Variants in PRDM5 observed in about 807,000 individuals in gnomAD.
PRDM5 encodes the protein PR domain zinc finger protein 5.
In PRDM5, 56 loss-of-function variants were observed where a neutral mutation model predicts 81.2. The observed-to-expected ratio is 0.69, with a 90% CI of 0.56 to 0.86. PRDM5 has a LOEUF of 0.86. PRDM5 is among the 40% of genes least tolerant of loss of function. The probability of loss-of-function intolerance (pLI) is 0.00; values close to 1 mark genes in which losing one functional copy is unlikely to be tolerated. For missense variants in PRDM5, 697 were observed against 770.1 expected, an observed-to-expected ratio of 0.91 and a Z score of 1.12; for synonymous variants, 267 against 256.4, an observed-to-expected ratio of 1.04 and a Z score of -0.39.
intron 3 of PRDM5, among the ~76,000 whole-genome samples, chr4:120,822,141 T>C (rs1755370439): frequency 6.6e-6 from 1 of 152,180 alleles, no homozygotes; most frequent in Non-Finnish European, 1.5e-5. Flanking sequence ...ACACTTGGAA[T>C]CAACTGATAC....
At chr4:120,741,113 T>A (rs901120176) in intron 14 of PRDM5, among the ~76,000 whole-genome samples, 1 of 152,126 alleles carries the variant, frequency 6.6e-6, no homozygotes, top group African/African-American at 2.4e-5. Flanking sequence ...TTTGCATCTG[T>A]TTCCTAAGCT....
intron 8 of PRDM5, among the ~76,000 whole-genome samples, chr4:120,803,955 A>T (rs544411437): frequency 9.2e-5 from 14 of 152,280 alleles, no homozygotes; most frequent in Admixed American, 4.6e-4. Flanking sequence ...TATTCAGGAG[A>T]CCCATCTCAC....
intron 15 of PRDM5, among the ~76,000 whole-genome samples, chr4:120,709,177 C>T (rs11730092): frequency 0.22 from 33,148 of 152,052 alleles, 3,881 homozygotes; most frequent in Non-Finnish European, 0.28. Context: ...ATGCAGCTAG[C>T]ATTTAATTTC....
intron 3 of PRDM5, among the ~76,000 whole-genome samples, chr4:120,840,320 C>A (rs1757871701): frequency 6.6e-6 from 1 of 152,198 alleles, no homozygotes; most frequent in Non-Finnish European, 1.5e-5. Context: ...GCTCAGGGCC[C>A]TGCCTGGGGA....
At chr4:120,894,248 G>A (rs557288689) in intron 2 of PRDM5, among the ~76,000 whole-genome samples, 31 of 152,076 alleles carry the variant, frequency 2.0e-4, no homozygotes, top group African/African-American at 2.7e-4. Flanking sequence ...CTAGAAACCC[G>A]CAATGCTTTA....
intron 2 of PRDM5, among the ~76,000 whole-genome samples, chr4:120,853,789 T>C (rs940911870): frequency 6.6e-6 from 1 of 152,206 alleles, no homozygotes; most frequent in Non-Finnish European, 1.5e-5. Flanking sequence ...CGTTGATAGT[T>C]GTTTTCTGGT....
intron 5 of PRDM5, among the ~76,000 whole-genome samples, chr4:120,817,429 T>C (rs1267107106): frequency 6.6e-5 from 10 of 152,204 alleles, no homozygotes; most frequent in Middle Eastern, 3.2e-3. Context: ...ATGTTAAAGA[T>C]TTCTTGCTCA....
Position 120,836,861 on chromosome 4 carries a change from C to T in PRDM5, c.301-15516G>A, listed in dbSNP as rs1225524276. On this transcript the variant is annotated intron_variant, in intron 3 of 15. Coordinates refer to ENST00000264808, the MANE Select transcript of PRDM5 (RefSeq NM_018699.4). Reference sequence around the variant, plus strand: ...GGGGGGTTGTTAGAATTAAATAAGACAATATATCTAAAGTGTTAAGCATAG... The same window carrying T: ...GGGGGGTTGTTAGAATTAAATAAGATAATATATCTAAAGTGTTAAGCATAG... Among the ~76,000 whole-genome samples, 6 of 152,236 alleles carry T rather than the reference C, an allele frequency of 3.9e-5. No homozygotes were observed. In the East Asian group the frequency reaches 1.2e-3, roughly 29 times the overall value.
At chr4:120,690,745 T>A (rs1036481874), downstream of PRDM5, among the ~76,000 whole-genome samples, 1 of 152,188 alleles carries the variant, frequency 6.6e-6, no homozygotes, top group African/African-American at 2.4e-5. Flanking sequence ...TTTTGAATTT[T>A]TTAAGTGTAG....
At chr4:120,725,981 T>A (rs2644696) in intron 14 of PRDM5, among the ~76,000 whole-genome samples, 102,542 of 151,988 alleles carry the variant, frequency 0.67, 35,985 homozygotes, top group Non-Finnish European at 0.77. Flanking sequence ...AAAAGTACTG[T>A]CAAGACCTCT....
intron 3 of PRDM5, among the ~76,000 whole-genome samples, chr4:120,840,987 G>C (rs1757966816): frequency 6.6e-6 from 1 of 152,166 alleles, no homozygotes; most frequent in African/African-American, 2.4e-5. Context: ...TACGGCACAG[G>C]GGTTGGGGAC....
At chr4:120,730,413 G>A (rs1740076912) in intron 14 of PRDM5, among the ~76,000 whole-genome samples, 1 of 152,064 alleles carries the variant, frequency 6.6e-6, no homozygotes, top group Non-Finnish European at 1.5e-5. Flanking sequence ...ACTTTATGTA[G>A]AAATAAAATT....
rs140474400 is a variant in PRDM5, at chr4:120,832,027, T to G, written c.301-10682A>C. On this transcript the variant is annotated intron_variant, in intron 3 of 15. Coordinates refer to ENST00000264808, the MANE Select transcript of PRDM5 (RefSeq NM_018699.4). ...TGGTCCTATCAGAGTCTTTTCCATG[T>G]TCATCTGTATTTATTTAGCTGAATC... is the stretch of plus-strand genomic sequence containing the variant. Among the ~76,000 whole-genome samples the G allele has an allele frequency of 2.9e-3, 436 of 152,238 alleles. 3 individuals carry two copies. Among genetic ancestry groups the G allele is most frequent in the African/African-American group, 0.01 (417 of 41,544 alleles).
intron 14 of PRDM5, among the ~76,000 whole-genome samples, chr4:120,750,453 A>G (rs1743815810): frequency 6.6e-6 from 1 of 152,136 alleles, no homozygotes; most frequent in Admixed American, 6.5e-5. Flanking sequence ...ATGGTGAGGA[A>G]GGATCCTTAA....
At chr4:120,815,807 A>G (rs1488921256) in intron 7 of PRDM5, among the ~76,000 whole-genome samples, 1 of 152,228 alleles carries the variant, frequency 6.6e-6, no homozygotes, top group African/African-American at 2.4e-5. Flanking sequence ...AACTGAGACA[A>G]TACAGCCATC....
chr4:120,879,754 G>C (rs1253599419), intron 2 of PRDM5, among the ~76,000 whole-genome samples: 1 of 152,016 alleles, frequency 6.6e-6, no homozygotes, highest in African/African-American at 2.4e-5. Flanking sequence ...CAACAGCACA[G>C]GGTTCAGTGC....
rs1751041694 is a variant in PRDM5 at position 120,794,454 on chromosome 4, C to T, written c.1188+3813G>A. Among the ~76,000 whole-genome samples the T allele has an allele frequency of 2.6e-5, 4 of 150,960 alleles. No homozygotes were observed. The South Asian group carries it at 8.4e-4, about 32-fold the overall frequency. ...AAATTTATACCAGGCAAAGAGTGAA[C>T]TGTATTGCCTTTTAAATTGTTTGGC... On this transcript the variant is annotated intron_variant, in intron 10 of 15. Transcript: ENST00000264808.
chr4:120,856,698 T>TCTCCA (rs1383623694), intron 2 of PRDM5, among the ~76,000 whole-genome samples: 18 of 152,192 alleles, frequency 1.2e-4, no homozygotes, highest in African/African-American at 4.3e-4. Flanking sequence ...ATTATTAAAG[T>TCTCCA]CTCCATTTAT....
intron 2 of PRDM5, among the ~76,000 whole-genome samples, chr4:120,876,869 T>C (rs1244420102): frequency 1.3e-5 from 2 of 152,084 alleles, no homozygotes; most frequent in African/African-American, 2.4e-5. Flanking sequence ...ATAACTTGAG[T>C]AAAATACTGA....
Sources: gnomAD v4.1 joint callset for allele counts (sites outside exome capture counted in the v4.1 genomes callset) on GRCh38, gnomAD v4.1.1 for gene constraint, MANE v1.5 for transcripts, NCBI Gene and HGNC (gene_info 2026-07-23, HGNC 2026-07-21) for gene names.